GOLGA7: variants seen among roughly 807,000 people sequenced by gnomAD.
The protein encoded by GOLGA7 is golgin subfamily A member 7.
In GOLGA7, 10 loss-of-function variants were observed where a neutral mutation model predicts 21.1. The observed-to-expected ratio is 0.47, with a 90% CI of 0.29 to 0.80. GOLGA7 has a LOEUF of 0.80. Among genes scored for constraint, GOLGA7 ranks in the 30% least tolerant of loss-of-function variants. The pLI, the probability that GOLGA7 is intolerant of heterozygous loss-of-function variation, is 0.08. For missense variants in GOLGA7, 114 were observed against 166.8 expected, an observed-to-expected ratio of 0.68 and a Z score of 1.74; for synonymous variants, 64 against 62.6, an observed-to-expected ratio of 1.02 and a Z score of -0.10.
intron 1 of GOLGA7, among the ~76,000 whole-genome samples, chr8:41,491,678 A>ATT (rs1805888318): frequency 6.1e-5 from 9 of 146,894 alleles, no homozygotes; most frequent in African/African-American, 1.5e-4. Flanking sequence ...AAAACTTTAA[A>ATT]AAAAAAAAAA....
intron 2 of GOLGA7, among the ~76,000 whole-genome samples, chr8:41,499,428 C>T (rs1234924389): frequency 1.3e-5 from 2 of 152,184 alleles, no homozygotes; most frequent in Non-Finnish European, 2.9e-5. Context: ...AATCGGATCA[C>T]ATGTGGGCTT....
intron 4 of GOLGA7, among the ~76,000 whole-genome samples, chr8:41,507,555 A>G (rs1331424924): frequency 6.6e-6 from 1 of 152,188 alleles, no homozygotes; most frequent in African/African-American, 2.4e-5. Context: ...GATTCTGAAT[A>G]TTTCATTTAT....
At chr8:41,505,173 G>T (rs1446005039) in intron 2 of GOLGA7, among the ~76,000 whole-genome samples, 1 of 152,196 alleles carries the variant, frequency 6.6e-6, no homozygotes, top group Non-Finnish European at 1.5e-5. Context: ...ATTTCCAGAA[G>T]TTCCTTTGTA....
intron 1 of GOLGA7, among the ~76,000 whole-genome samples, chr8:41,494,731 G>T (rs1187598460): frequency 6.6e-6 from 1 of 152,000 alleles, no homozygotes; most frequent in Non-Finnish European, 1.5e-5. Flanking sequence ...TAATATTCCT[G>T]GAAATTTAAA....
intron 2 of GOLGA7, chr8:41,502,430 A>C (rs1275504384): frequency 1.3e-5 from 2 of 152,260 alleles, no homozygotes; most frequent in Non-Finnish European, 2.9e-5. Flanking sequence ...TTTAAAACTC[A>C]CTAGAACAAT....
intron 2 of GOLGA7, among the ~76,000 whole-genome samples, chr8:41,501,099 G>T (rs942521603): frequency 6.6e-5 from 10 of 152,098 alleles, no homozygotes; most frequent in African/African-American, 2.2e-4. Context: ...AATTTTAATT[G>T]TATTTGTCAA....
chr8:41,492,950 A>G (rs984096195), intron 1 of GOLGA7, among the ~76,000 whole-genome samples: 4 of 152,218 alleles, frequency 2.6e-5, no homozygotes, highest in African/African-American at 4.8e-5. Context: ...CAAAAGCACA[A>G]TGTAGTTACT....
chr8:41,501,382 C>T (rs984585822), intron 2 of GOLGA7, among the ~76,000 whole-genome samples: 1 of 151,550 alleles, frequency 6.6e-6, no homozygotes, highest in Non-Finnish European at 1.5e-5. Context: ...GATCCCGGCT[C>T]ACTGCAACCT....
rs1276447758 is a variant in GOLGA7, at chr8:41,503,227, T to A, written c.265-2684T>A. 2.0e-5 allele frequency among the ~76,000 whole-genome samples: 3 copies of A among 151,506 alleles called. No homozygotes were observed. In the East Asian group the frequency reaches 5.8e-4, roughly 29 times the overall value. On this transcript the variant is annotated intron_variant, in intron 2 of 4. Coordinates refer to ENST00000357743, the MANE Select transcript of GOLGA7 (RefSeq NM_001002296.2). ...TTTATAAAAAAAAAAAAAGTGTCTG[T>A]TCATGTCCTTCGCCCACTTTTTGAT...
At chr8:41,508,162 C>T (rs994619369) in intron 4 of GOLGA7, among the ~76,000 whole-genome samples, 1 of 152,198 alleles carries the variant, frequency 6.6e-6, no homozygotes, top group African/African-American at 2.4e-5. Flanking sequence ...GTCTTTTACA[C>T]CGTACTTCCT....
chr8:41,493,396 T>C (rs1805932245), intron 1 of GOLGA7, among the ~76,000 whole-genome samples: 1 of 152,224 alleles, frequency 6.6e-6, no homozygotes, highest in Admixed American at 6.5e-5. Context: ...TTTAAAGCAT[T>C]TTTTAAAAAT....
At chr8:41,499,136 C>G (rs143231780) in intron 2 of GOLGA7, among the ~76,000 whole-genome samples, 5 of 152,144 alleles carry the variant, frequency 3.3e-5, no homozygotes, top group African/African-American at 9.7e-5. Flanking sequence ...TCTTGTCCCC[C>G]TCGCAGGGCG....
chr8:41,506,171 A>AT (rs35456080), intron 3 of GOLGA7, among the ~76,000 whole-genome samples, 159 bp downstream of exon 3: 49,077 of 150,570 alleles, frequency 0.33, 8,865 homozygotes, highest in African/African-American at 0.48. Context: ...TGTCTCCAAC[A>AT]TTTTTTTTTA....
chr8:41,508,541 G>C (rs1417196060), intron 4 of GOLGA7, among the ~76,000 whole-genome samples: 2 of 152,166 alleles, frequency 1.3e-5, no homozygotes, highest in African/African-American at 4.8e-5. Flanking sequence ...TGTGGCTTTT[G>C]TTCCATGCCA....
intron 1 of GOLGA7, among the ~76,000 whole-genome samples, chr8:41,495,201 T>TAA (rs1805979145): frequency 2.8e-5 from 1 of 35,774 alleles, no homozygotes; most frequent in African/African-American, 1.4e-4. Context: ...AGACTCTGTC[T>TAA]CAAAAAAAAA....
chr8:41,492,689 A>G (rs904792382), intron 1 of GOLGA7, among the ~76,000 whole-genome samples: 3 of 152,218 alleles, frequency 2.0e-5, no homozygotes, highest in African/African-American at 4.8e-5. Flanking sequence ...AAAAAGATAT[A>G]CATGGAATCA....
At position 41,505,051 on chromosome 8, in the gene GOLGA7, C is replaced by T. The variant is rs570082708; in HGVS notation, c.265-860C>T. ...AGCCAGAAAAAAGTTATGATGACTT[C>T]GAGCCTGAAATAAAACATGTAACTC... On this transcript the variant is annotated intron_variant, in intron 2 of 4. Coordinates refer to ENST00000357743, the MANE Select transcript of GOLGA7 (RefSeq NM_001002296.2). 7.2e-5 allele frequency among the ~76,000 whole-genome samples: 11 copies of T among 152,270 alleles called. 1 individual carries two copies. In the South Asian group the frequency reaches 2.3e-3, roughly 32 times the overall value.
chr8:41,505,948 A>G lies in GOLGA7; in HGVS notation c.302A>G (p.Asn101Ser). The G allele has an allele frequency of 6.2e-7, 1 of 1,601,890 alleles. No homozygotes were observed. Among genetic ancestry groups the G allele is most frequent in the Non-Finnish European group, 8.5e-7 (1 of 1,171,102 alleles). Residue 101 changes from asparagine (N) to serine (S), a missense_variant, in exon 3 of 5, where the codon AAT (asparagine) becomes AGT (serine). Asn to Ser is a conservative substitution (Grantham distance 46). Coordinates refer to ENST00000357743, the MANE Select transcript of GOLGA7 (RefSeq NM_001002296.2). ...GTCTCCAAATACATTCAAGAGCAGA[A>G]TGAGAAGATCTATGCTCCACAAGGC... ...KKVSKYIQEQ[N>S]EKIYAPQGLL...
intron 2 of GOLGA7, among the ~76,000 whole-genome samples, chr8:41,499,813 G>A (rs1806108153): frequency 6.6e-6 from 1 of 152,176 alleles, no homozygotes; most frequent in Admixed American, 6.5e-5. Flanking sequence ...CTTCACTACT[G>A]GGCACAGGCC....
Sources: gnomAD v4.1 joint callset for allele counts (sites outside exome capture counted in the v4.1 genomes callset) on GRCh38, gnomAD v4.1.1 for gene constraint, MANE v1.5 for transcripts, NCBI Gene and HGNC (gene_info 2026-07-23, HGNC 2026-07-21) for gene names.